Variants in SLC2A9 observed in about 807,000 individuals in gnomAD.
SLC2A9 encodes the protein solute carrier family 2, facilitated glucose transporter member 9.
In SLC2A9, 39 loss-of-function variants were observed where a neutral mutation model predicts 50.6. That is an observed-to-expected ratio of 0.77 (90% confidence interval 0.60 to 1.01). The LOEUF (loss-of-function observed/expected upper bound fraction) is 1.01. SLC2A9 is among the 50% of genes least tolerant of loss of function. SLC2A9 has a pLI of 0.00. For missense variants in SLC2A9, 686 were observed against 677.6 expected (o/e 1.01, Z -0.14); for synonymous variants, 324 against 276.9 (o/e 1.17, Z -1.69).
chr4:9,854,000 TA>T (rs200722853), intron 10 of SLC2A9, among the ~76,000 whole-genome samples: 18 of 149,076 alleles, frequency 1.2e-4, no homozygotes, highest in Non-Finnish European at 1.6e-4. Flanking sequence ...AAAACAGTGT[TA>T]AAAAAAAAAG....
chr4:9,798,286 A>G (rs1379567051), downstream of SLC2A9, among the ~76,000 whole-genome samples: 2 of 152,208 alleles, frequency 1.3e-5, no homozygotes, highest in Admixed American at 1.3e-4. Context: ...GGCTCCAATC[A>G]TTAAGCTAAA....
chr4:9,799,461 A>G (rs1272057204), intron 3 of SLC2A9, among the ~76,000 whole-genome samples: 1 of 152,010 alleles, frequency 6.6e-6, no homozygotes, highest in Non-Finnish European at 1.5e-5. Flanking sequence ...CATCTCTTTT[A>G]TAAGGTCATT....
chr4:10,019,282 A>G (rs1051605191), intron 1 of SLC2A9: 28 of 586,242 alleles, frequency 4.8e-5, no homozygotes, highest in Non-Finnish European at 8.2e-5. Context: ...GGGCGCCCTC[A>G]GGTTTAGCGG....
chr4:9,845,518 C>T (rs1485605035), intron 10 of SLC2A9, among the ~76,000 whole-genome samples: 1 of 147,468 alleles, frequency 6.8e-6, no homozygotes, highest in Non-Finnish European at 1.5e-5. Flanking sequence ...CAAGCTCCGC[C>T]TCCCGGGTTC....
intron 7 of SLC2A9, among the ~76,000 whole-genome samples, chr4:9,912,892 C>G (rs1742106280): frequency 6.6e-6 from 1 of 152,158 alleles, no homozygotes; most frequent in Admixed American, 6.5e-5. Context: ...CACCAGGGTC[C>G]TTAAAGAGGG....
intron 1 of SLC2A9, among the ~76,000 whole-genome samples, chr4:10,030,377 A>T (rs988847478): frequency 2.0e-5 from 3 of 152,222 alleles, no homozygotes; most frequent in Non-Finnish European, 4.4e-5. Flanking sequence ...ACTCTGTATG[A>T]TACTATAATG....
chr4:9,897,913 C>CA lies in SLC2A9; in HGVS notation c.1114-7203dup, dbSNP rs555796435. Among the ~76,000 whole-genome samples, 218 of 151,988 alleles carry CA rather than the reference C, an allele frequency of 1.4e-3. No individual in the cohort carries two copies. In the Middle Eastern group the frequency reaches 0.017, roughly 12 times the overall value. On this transcript the variant is annotated intron_variant, in intron 8 of 11. Coordinates refer to ENST00000264784, the MANE Select transcript of SLC2A9 (RefSeq NM_020041.3). ...CATTCCACCTCAGAAAAACCAAAAA[C>CA]AAAAAAAGACATACACAGACAGAAT...
intron 5 of SLC2A9, among the ~76,000 whole-genome samples, chr4:9,968,358 A>G (rs1753365283): frequency 1.3e-5 from 2 of 152,096 alleles, no homozygotes; most frequent in South Asian, 2.1e-4. Flanking sequence ...TTTCCTTGAG[A>G]AGGTACATCT....
intron 2 of SLC2A9, 105 bp from the exon 3 acceptor site, chr4:9,997,046 T>C (rs1023895873): frequency 1.8e-5 from 24 of 1,317,736 alleles, no homozygotes; most frequent in South Asian, 2.4e-5. Context: ...TTTTCATGCA[T>C]AGCACTTTGC....
At chr4:9,931,112 T>A (rs189364408) in intron 6 of SLC2A9, among the ~76,000 whole-genome samples, 1 of 152,192 alleles carries the variant, frequency 6.6e-6, no homozygotes, top group African/African-American at 2.4e-5. Flanking sequence ...TTACATGAGT[T>A]TATGGAAGGT....
chr4:9,949,098 C>T (rs1006924015), intron 5 of SLC2A9, among the ~76,000 whole-genome samples: 21 of 152,332 alleles, frequency 1.4e-4, no homozygotes, highest in Admixed American at 9.2e-4. Flanking sequence ...CATTCCCTCC[C>T]GTGGATGACT....
At chr4:9,951,895 T>A (rs760088426) in intron 5 of SLC2A9, among the ~76,000 whole-genome samples, 2 of 152,232 alleles carry the variant, frequency 1.3e-5, no homozygotes, top group Non-Finnish European at 2.9e-5. Flanking sequence ...GGTTGCAGAA[T>A]TAGAGTAGGT....
At chr4:9,992,039 T>A (rs1578224122) in intron 3 of SLC2A9, among the ~76,000 whole-genome samples, 1 of 152,282 alleles carries the variant, frequency 6.6e-6, no homozygotes, top group Non-Finnish European at 1.5e-5. Flanking sequence ...AAGTAGAAAA[T>A]GATGAAAGCA....
At chr4:9,982,086 G>T (rs1755980499) in intron 4 of SLC2A9, among the ~76,000 whole-genome samples, 1 of 152,104 alleles carries the variant, frequency 6.6e-6, no homozygotes, top group Admixed American at 6.6e-5. Context: ...TCTCCATGTT[G>T]GTCAGCTGGT....
intron 10 of SLC2A9, chr4:9,879,798 T>C: frequency 1.0e-6 from 1 of 985,462 alleles, no homozygotes; most frequent in South Asian, 4.7e-5. Flanking sequence ...GGCAACGATC[T>C]TCTTTTTTTA....
chr4:9,790,773 A>T (rs963677959), intron 3 of SLC2A9, among the ~76,000 whole-genome samples: 15 of 152,010 alleles, frequency 9.9e-5, no homozygotes, highest in African/African-American at 1.4e-4. Flanking sequence ...TCACTTTTTT[A>T]AAAAAATTGG....
chr4:9,884,002 G>A (rs1463965198), intron 10 of SLC2A9, among the ~76,000 whole-genome samples: 1 of 152,172 alleles, frequency 6.6e-6, no homozygotes, highest in Non-Finnish European at 1.5e-5. Context: ...TCACCTACTG[G>A]ATGCAGTAGA....
At chr4:9,951,625 T>C (rs1407994892) in intron 5 of SLC2A9, among the ~76,000 whole-genome samples, 1 of 44,038 alleles carries the variant, frequency 2.3e-5, no homozygotes, top group Non-Finnish European at 4.5e-5. Context: ...GAAAAGTTTA[T>C]TTTTAAAAAA....
At chr4:9,988,711 C>G (rs1757164681) in intron 3 of SLC2A9, among the ~76,000 whole-genome samples, 1 of 152,148 alleles carries the variant, frequency 6.6e-6, no homozygotes, top group African/African-American at 2.4e-5. Flanking sequence ...AGTGTAGAAT[C>G]TTCCCCATGA....
Sources: allele counts gnomAD v4.1 joint callset (sites outside exome capture counted in the v4.1 genomes callset), GRCh38; gene constraint gnomAD v4.1.1; transcripts MANE v1.5; gene names NCBI Gene and HGNC (gene_info 2026-07-23, HGNC 2026-07-21).